Variants in AKT3 observed in about 807,000 individuals in gnomAD.
AKT3 encodes the protein RAC-gamma serine/threonine-protein kinase.
AKT3 carries 15 observed loss-of-function variants against 65.3 expected under a neutral mutation model. That is an observed-to-expected ratio of 0.23 (90% CI 0.15 to 0.35). The LOEUF (loss-of-function observed/expected upper bound fraction) is 0.35, where lower values mean the gene tolerates loss of function less well. Among genes scored for constraint, AKT3 ranks in the 10% least tolerant of loss-of-function variants. AKT3 has a pLI of 1.00. For missense variants in AKT3, 243 were observed against 576.5 expected (o/e 0.42, Z 5.92); for synonymous variants, 206 against 183.8 (o/e 1.12, Z -0.98).
At chr1:243,795,456 T>TTTG (rs1691908076) in intron 2 of AKT3, among the ~76,000 whole-genome samples, 1 of 124,388 alleles carries the variant, frequency 8.0e-6, no homozygotes, top group African/African-American at 3.2e-5. Context: ...CTTGTTTTTT[T>TTTG]TTTTTGTTTT....
At chr1:243,730,984 T>C (rs755308965) in intron 2 of AKT3, among the ~76,000 whole-genome samples, 1 of 152,124 alleles carries the variant, frequency 6.6e-6, no homozygotes, top group Non-Finnish European at 1.5e-5. Flanking sequence ...TTTGCCCTCA[T>C]CAGGCGTGGG....
At chr1:243,550,218 C>T (rs1672951982) in intron 11 of AKT3, among the ~76,000 whole-genome samples, 1 of 152,216 alleles carries the variant, frequency 6.6e-6, no homozygotes, top group Non-Finnish European at 1.5e-5. Context: ...TGGTTCATCT[C>T]ACTCATCCTT....
chr1:243,639,393 T>C (rs1292891242), intron 5 of AKT3, among the ~76,000 whole-genome samples: 2 of 152,164 alleles, frequency 1.3e-5, no homozygotes, highest in Admixed American at 6.6e-5. Context: ...AGCATCATCC[T>C]GATACTGAGA....
chr1:243,555,814 A>C (rs1165235967), intron 10 of AKT3, among the ~76,000 whole-genome samples: 1 of 152,160 alleles, frequency 6.6e-6, no homozygotes, highest in Admixed American at 6.6e-5. Flanking sequence ...CCAGTGAAAG[A>C]TTTATCTTGA....
At chr1:243,557,320 TA>T (rs1157634687) in intron 10 of AKT3, among the ~76,000 whole-genome samples, 2 of 152,134 alleles carry the variant, frequency 1.3e-5, no homozygotes, top group African/African-American at 4.8e-5. Flanking sequence ...GTTAGTTTTG[TA>T]TATGTTCTCA....
chr1:243,765,182 A>G (rs1689736667), intron 2 of AKT3, among the ~76,000 whole-genome samples: 1 of 152,134 alleles, frequency 6.6e-6, no homozygotes. Flanking sequence ...ACAGTAATAC[A>G]TTTAATGTGT....
chr1:243,589,303 T>G (rs566367417), intron 8 of AKT3, among the ~76,000 whole-genome samples: 1 of 59,966 alleles, frequency 1.7e-5, no homozygotes, highest in Non-Finnish European at 2.9e-5. Context: ...CAAAACTCCA[T>G]CTCAAAAAAA....
intron 2 of AKT3, among the ~76,000 whole-genome samples, chr1:243,785,436 T>C (rs1691202034): frequency 6.7e-6 from 1 of 150,006 alleles, no homozygotes; most frequent in Admixed American, 6.6e-5. Flanking sequence ...AGTTGTCTTT[T>C]GTTTACAATA....
rs564177101 is a variant in AKT3 at position 243,788,373 on chromosome 1, C to T, written c.46+54752G>A. Among the ~76,000 whole-genome samples the T allele has an allele frequency of 9.0e-4, 137 of 152,272 alleles. 1 individual carries two copies. Among genetic ancestry groups the T allele is most frequent in the African/African-American group, 3.1e-3 (127 of 41,562 alleles). On this transcript the variant is annotated intron_variant, in intron 2 of 13. Coordinates refer to ENST00000673466, the MANE Select transcript of AKT3 (RefSeq NM_005465.7). ...AGGTATATTATAACAACTCTATATACATTTCATAGAATTTCCACTATAAAT... is the reference window on the plus strand; with the variant it reads ...AGGTATATTATAACAACTCTATATATATTTCATAGAATTTCCACTATAAAT...
intron 4 of AKT3, among the ~76,000 whole-genome samples, chr1:243,652,178 G>A (rs1022946438): frequency 6.6e-6 from 1 of 151,674 alleles, no homozygotes; most frequent in African/African-American, 2.4e-5. Flanking sequence ...ATCCCAAGTA[G>A]CTAGGAGTAC....
At chr1:243,527,164 C>T (rs1671163693) in intron 12 of AKT3, among the ~76,000 whole-genome samples, 1 of 152,162 alleles carries the variant, frequency 6.6e-6, no homozygotes, top group Non-Finnish European at 1.5e-5. Flanking sequence ...TTCACTTAGG[C>T]CCTTTCAGAG....
At chr1:243,753,710 C>T (rs939043297) in intron 2 of AKT3, among the ~76,000 whole-genome samples, 7 of 152,156 alleles carry the variant, frequency 4.6e-5, no homozygotes, top group African/African-American at 1.7e-4. Flanking sequence ...TCAAGACTCT[C>T]CAGTTGTTCT....
At chr1:243,507,422 A>G (rs1669739704) in intron 13 of AKT3, among the ~76,000 whole-genome samples, 1 of 152,338 alleles carries the variant, frequency 6.6e-6, no homozygotes, top group East Asian at 1.9e-4. Context: ...TTTAAAGCCA[A>G]TGATCTCCCT....
chr1:243,698,073 G>C (rs1387987392), intron 2 of AKT3, among the ~76,000 whole-genome samples: 1 of 151,896 alleles, frequency 6.6e-6, no homozygotes, highest in Non-Finnish European at 1.5e-5. Context: ...TATAAAACTA[G>C]AATGCCTAAT....
intron 2 of AKT3, among the ~76,000 whole-genome samples, chr1:243,759,989 A>T (rs1312617772): frequency 6.6e-6 from 1 of 152,250 alleles, no homozygotes; most frequent in Non-Finnish European, 1.5e-5. Context: ...AATCTTGCAC[A>T]GATCTGCACC....
chr1:243,603,894 C>CT (rs566682027), intron 8 of AKT3, among the ~76,000 whole-genome samples: 28,146 of 129,888 alleles, frequency 0.22, 3,697 homozygotes, highest in African/African-American at 0.31. Flanking sequence ...AATTAATAAT[C>CT]TTTTTTTTTT....
intron 2 of AKT3, among the ~76,000 whole-genome samples, chr1:243,698,623 C>T (rs189898072): frequency 5.9e-5 from 9 of 152,056 alleles, no homozygotes; most frequent in Admixed American, 1.3e-4. Context: ...ATCCTTCAAA[C>T]GTAATACAGT....
chr1:243,604,191 G>A (rs10927044), intron 8 of AKT3, among the ~76,000 whole-genome samples: 78,941 of 151,994 alleles, frequency 0.52, 23,997 homozygotes, highest in Non-Finnish European at 0.68. Flanking sequence ...CACCACATCC[G>A]ACAACCTTAT....
intron 3 of AKT3, among the ~76,000 whole-genome samples, chr1:243,672,858 A>C (rs550037021): frequency 6.6e-6 from 1 of 152,294 alleles, no homozygotes; most frequent in South Asian, 2.1e-4. Context: ...AAACAAACAT[A>C]CACCTCAAGA....
Sources: gnomAD v4.1 joint callset for allele counts (sites outside exome capture counted in the v4.1 genomes callset) on GRCh38, gnomAD v4.1.1 for gene constraint, MANE v1.5 for transcripts, NCBI Gene and HGNC (gene_info 2026-07-23, HGNC 2026-07-21) for gene names.